Variants in ERGIC1 observed in about 807,000 individuals in gnomAD.
ERGIC1 encodes the protein endoplasmic reticulum-Golgi intermediate compartment protein 1.
In ERGIC1, 19 loss-of-function variants were observed where a neutral mutation model predicts 38.3. The observed-to-expected ratio is 0.50, with a 90% CI of 0.35 to 0.73. The LOEUF (loss-of-function observed/expected upper bound fraction) is 0.73, where lower values mean the gene tolerates loss of function less well. Ranked by LOEUF, ERGIC1 falls within the 30% of genes least tolerant of loss-of-function variation. The pLI is 0.01. For synonymous variants in ERGIC1, 124 were observed against 157.6 expected (o/e 0.79, Z 1.60); for missense variants, 294 against 389.2 (o/e 0.76, Z 2.06).
chr5:172,909,057 A>G (rs1763135566), intron 3 of ERGIC1, among the ~76,000 whole-genome samples: 1 of 152,114 alleles, frequency 6.6e-6, no homozygotes, highest in African/African-American at 2.4e-5. Flanking sequence ...AGAGGTGAGC[A>G]TAGGAAGTGC....
chr5:172,912,326 T>C (rs1181911975), intron 4 of ERGIC1, among the ~76,000 whole-genome samples: 1 of 152,208 alleles, frequency 6.6e-6, no homozygotes, highest in Non-Finnish European at 1.5e-5. Context: ...TCTCTGTGCC[T>C]CAGTTGCCCT....
At chr5:172,947,840 G>A (rs1035681039) in intron 9 of ERGIC1, among the ~76,000 whole-genome samples, 1 of 150,620 alleles carries the variant, frequency 6.6e-6, no homozygotes, top group Non-Finnish European at 1.5e-5. Context: ...TAAGCATTTG[G>A]GTTCCAAATT....
chr5:172,879,891 CTATG>C (rs1217303870), intron 1 of ERGIC1, among the ~76,000 whole-genome samples: 1 of 152,194 alleles, frequency 6.6e-6, no homozygotes, highest in Non-Finnish European at 1.5e-5. Context: ...TGGCCTCTAC[CTATG>C]AGATGTCAGT....
chr5:172,934,962 T>C (rs111380808), intron 8 of ERGIC1: 331 of 564,578 alleles, frequency 5.9e-4, no homozygotes, highest in African/African-American at 5.5e-3. Flanking sequence ...GCTCACTTGG[T>C]CAATTTCTAA....
chr5:172,921,210 C>T (rs910860030), intron 5 of ERGIC1, among the ~76,000 whole-genome samples: 67 of 152,382 alleles, frequency 4.4e-4, no homozygotes, highest in Admixed American at 2.7e-3. Flanking sequence ...TCGCCTAAGG[C>T]TCCCCAGCTA....
chr5:172,924,289 A>T (rs182882572), intron 6 of ERGIC1, among the ~76,000 whole-genome samples, 180 bp downstream of exon 6: 6 of 152,340 alleles, frequency 3.9e-5, no homozygotes, highest in Admixed American at 3.9e-4. Flanking sequence ...GGTCCTAGGC[A>T]GGGGGCGTCT....
intron 1 of ERGIC1, among the ~76,000 whole-genome samples, chr5:172,869,655 C>G (rs1761954841): frequency 6.6e-6 from 1 of 152,202 alleles, no homozygotes; most frequent in Non-Finnish European, 1.5e-5. Flanking sequence ...ATCAAATTTT[C>G]TTATCCACTT....
rs936401576 is a variant in ERGIC1, at chr5:172,846,941, G to A, written c.20+12508G>A. ...GGCTGTCAGAGAAGATTTATGGATG[G>A]GCAGGAAATTGGACTAGAGATGCCT... On this transcript the variant is annotated intron_variant, in intron 1 of 9. Coordinates refer to ENST00000393784, the MANE Select transcript of ERGIC1 (RefSeq NM_001031711.3). This position sits in a 1 kb window ranked among gnomAD's most constrained non-coding sequence, Gnocchi z 4.0. Among the ~76,000 whole-genome samples the A allele has an allele frequency of 6.6e-6, 1 of 152,222 alleles. No individual in the cohort carries two copies. Among genetic ancestry groups the A allele is most frequent in the East Asian group, 1.9e-4 (1 of 5,204 alleles).
intron 3 of ERGIC1, chr5:172,905,332 AGAAATTGGGTGCTGAAGGC>A: frequency 7.8e-6 from 3 of 385,560 alleles, no homozygotes; most frequent in Middle Eastern, 4.2e-4. Flanking sequence ...CAGCTGGGGT[AGAAATTGGGTGCTGAAGGC>A]CAGGCAGAGC....
At chr5:172,861,694 C>A (rs11749499) in intron 1 of ERGIC1, among the ~76,000 whole-genome samples, 134,560 of 152,238 alleles carry the variant, frequency 0.88, 60,661 homozygotes, top group East Asian at 1. Context: ...TGTGTCAGCC[C>A]AAGTGTGAAT....
intron 1 of ERGIC1, among the ~76,000 whole-genome samples, chr5:172,872,674 G>A (rs1762045927): frequency 6.6e-6 from 1 of 152,196 alleles, no homozygotes; most frequent in South Asian, 2.1e-4. Context: ...AATTAGCCTG[G>A]TGTGGTGGCA....
chr5:172,852,705 C>T (rs1761440505), intron 1 of ERGIC1, among the ~76,000 whole-genome samples: 1 of 152,230 alleles, frequency 6.6e-6, no homozygotes, highest in South Asian at 2.1e-4. Context: ...TCTTGACTTG[C>T]CAACAACTTA....
At chr5:172,869,276 G>A (rs937057559) in intron 1 of ERGIC1, among the ~76,000 whole-genome samples, 9 of 152,254 alleles carry the variant, frequency 5.9e-5, no homozygotes, top group African/African-American at 2.2e-4. Context: ...CTCAGGGGAG[G>A]CTGGCCTCAC....
chr5:172,942,188 C>T (rs1003507375), intron 9 of ERGIC1, among the ~76,000 whole-genome samples: 9 of 151,922 alleles, frequency 5.9e-5, no homozygotes, highest in African/African-American at 1.2e-4. Flanking sequence ...AGCAAGACTC[C>T]GTCTCAAAAA....
At position 172,837,778 on chromosome 5, in the gene ERGIC1, TG is replaced by T. The variant is rs1318872201; in HGVS notation, c.20+3346del. Among the ~76,000 whole-genome samples the T allele has an allele frequency of 2.6e-5, 4 of 152,248 alleles. 1 individual carries two copies. The highest frequency in any genetic ancestry group is 9.6e-5 in the African/African-American group (4 of 41,472). ...TGTGTTTGCTTTGCTCTTGTTAAAT[TG>T]TTTCACTAATGGCTGGCTGTTGCAG... On this transcript the variant is annotated intron_variant, in intron 1 of 9. Coordinates refer to ENST00000393784, the MANE Select transcript of ERGIC1 (RefSeq NM_001031711.3). This position sits in a 1 kb window ranked among gnomAD's most constrained non-coding sequence, Gnocchi z 4.3.
intron 1 of ERGIC1, among the ~76,000 whole-genome samples, chr5:172,854,665 C>T (rs975009430): frequency 6.6e-6 from 1 of 152,254 alleles, no homozygotes; most frequent in Non-Finnish European, 1.5e-5. Flanking sequence ...GGGCCGGTTC[C>T]CGCCTTGTTC....
intron 1 of ERGIC1, among the ~76,000 whole-genome samples, chr5:172,881,956 C>A (rs888088648): frequency 6.6e-6 from 1 of 152,314 alleles, no homozygotes; most frequent in East Asian, 1.9e-4. Flanking sequence ...GTCACATCAC[C>A]GCAGCAAGGG....
chr5:172,905,501 C>T (rs1005861422), intron 3 of ERGIC1: 3 of 457,498 alleles, frequency 6.6e-6, no homozygotes, highest in African/African-American at 2.0e-5. Flanking sequence ...TATTGGAAGC[C>T]GTGGGTCACG....
intron 5 of ERGIC1, among the ~76,000 whole-genome samples, chr5:172,919,568 C>T (rs1763458068): frequency 6.6e-6 from 1 of 152,238 alleles, no homozygotes. Flanking sequence ...GACCTGTGGT[C>T]AAGGATCCCG....
Sources: allele counts gnomAD v4.1 joint callset (sites outside exome capture counted in the v4.1 genomes callset), GRCh38; gene constraint gnomAD v4.1.1; non-coding constraint Gnocchi (gnomAD v3.1); transcripts MANE v1.5; gene names NCBI Gene and HGNC (gene_info 2026-07-23, HGNC 2026-07-21).